The following FKBP5 variants were observed in gnomAD, a reference collection of about 807,000 sequenced individuals.
The protein encoded by FKBP5 is FKBP prolyl isomerase 5.
FKBP5 carries 23 observed loss-of-function variants against 50.5 expected under a neutral mutation model. The observed-to-expected ratio is 0.46, with a 90% CI of 0.33 to 0.65. FKBP5 has a LOEUF of 0.65. Ranked by LOEUF, FKBP5 falls within the 30% of genes least tolerant of loss-of-function variation. FKBP5 has a pLI of 0.02. For missense variants in FKBP5, 411 were observed against 553.1 expected (o/e 0.74, Z 2.58); for synonymous variants, 176 against 190.6 (o/e 0.92, Z 0.63).
upstream of FKBP5, among the ~76,000 whole-genome samples, chr6:35,691,204 G>A (rs796235368): frequency 1.3e-5 from 2 of 152,166 alleles, no homozygotes; most frequent in African/African-American, 2.4e-5. Flanking sequence ...AATGGAAGGC[G>A]CCAAGGAAAG....
At chr6:35,669,236 C>T (rs1765317032) in intron 1 of FKBP5, among the ~76,000 whole-genome samples, 1 of 152,150 alleles carries the variant, frequency 6.6e-6, no homozygotes, top group African/African-American at 2.4e-5. Context: ...AAAACTAAAA[C>T]TCTGGAATTC....
chr6:35,637,508 G>A (rs972002353), intron 2 of FKBP5, among the ~76,000 whole-genome samples: 60 of 146,036 alleles, frequency 4.1e-4, no homozygotes, highest in African/African-American at 1.5e-3. Flanking sequence ...CTGTCGCCCA[G>A]GCTGGAGTGC....
At chr6:35,636,093 TG>T (rs1301155465) in intron 3 of FKBP5, among the ~76,000 whole-genome samples, 5 of 152,216 alleles carry the variant, frequency 3.3e-5, no homozygotes, top group African/African-American at 1.2e-4. Context: ...CATCTTGCAT[TG>T]GTCACTGAGA....
chr6:35,589,253 C>T (rs753574394), intron 7 of FKBP5, among the ~76,000 whole-genome samples: 7 of 150,916 alleles, frequency 4.6e-5, no homozygotes, highest in Admixed American at 4.0e-4. Flanking sequence ...CTCAGCTTCC[C>T]GAATAGCTGA....
At chr6:35,612,022 C>T (rs1763508211) in intron 5 of FKBP5, among the ~76,000 whole-genome samples, 1 of 152,016 alleles carries the variant, frequency 6.6e-6, no homozygotes, top group South Asian at 2.1e-4. Flanking sequence ...TTATTAGAGA[C>T]AATTTTAGGT....
intron 5 of FKBP5, among the ~76,000 whole-genome samples, chr6:35,600,586 A>T (rs1450961555): frequency 6.6e-6 from 1 of 151,758 alleles, no homozygotes; most frequent in Non-Finnish European, 1.5e-5. Context: ...TTTCTCATGT[A>T]TTGTGGAATG....
rs527706948 is a variant in FKBP5 at position 35,618,837 on chromosome 6, G to A, written c.508+259C>T. 2.0e-5 allele frequency among the ~76,000 whole-genome samples: 3 copies of A among 152,148 alleles called. No individual in the cohort carries two copies. In the East Asian group the frequency reaches 5.8e-4, roughly 29 times the overall value. On this transcript the variant is annotated intron_variant, in intron 5 of 10. Coordinates refer to ENST00000357266, the MANE Select transcript of FKBP5 (RefSeq NM_004117.4). The stretch of plus-strand genomic sequence containing the variant: ...AGCCTCCCGAGTAGCTGGGAATACA[G>A]GCGTGCACCACCACACCTGGCTAGT...
At chr6:35,697,208 A>G (rs1300412371) in intron 2 of FKBP5, among the ~76,000 whole-genome samples, 1 of 152,214 alleles carries the variant, frequency 6.6e-6, no homozygotes, top group Non-Finnish European at 1.5e-5. Context: ...ATGAATAGAT[A>G]AACAAAATGT....
intron 1 of FKBP5, among the ~76,000 whole-genome samples, chr6:35,676,450 A>AAG (rs1324165884): frequency 3.3e-5 from 5 of 152,228 alleles, no homozygotes; most frequent in Non-Finnish European, 7.3e-5. Flanking sequence ...TCATTTTATA[A>AAG]ATAAAGGCTC....
At chr6:35,666,757 C>G (rs1324156201) in intron 1 of FKBP5, among the ~76,000 whole-genome samples, 1 of 152,030 alleles carries the variant, frequency 6.6e-6, no homozygotes, top group Non-Finnish European at 1.5e-5. Flanking sequence ...GGCATGGTGG[C>G]AGGCGCCTAT....
intron 1 of FKBP5, among the ~76,000 whole-genome samples, chr6:35,723,094 G>A (rs1318153679): frequency 5.9e-5 from 9 of 152,206 alleles, no homozygotes; most frequent in Admixed American, 2.6e-4. Context: ...TTAGCTGGGC[G>A]TGGTGGCGGG....
At position 35,575,901 on chromosome 6, in the gene FKBP5, C is replaced by A. The variant is rs199893517; in HGVS notation, c.1308G>T (p.Gly436=). Residue 436 remains glycine, a synonymous_variant, in exon 11 of 11, where the codon GGG becomes GGT. Transcript: ENST00000357266. Reference sequence around the variant, plus strand: ...TGTCTGTTCCTTTTTCATTAGTGACCCCTTCTGAAGTCTTCTTGCCCATTG... The same window carrying A: ...TGTCTGTTCCTTTTTCATTAGTGACACCTTCTGAAGTCTTCTTGCCCATTG... ...NKAMGKKTSE[G]VTNEKGTDSQ... The A allele has an allele frequency of 8.7e-6, 14 of 1,613,994 alleles. No homozygotes were observed. The East Asian group carries it at 3.1e-4, about 36-fold the overall frequency.
chr6:35,691,471 G>A (rs1222618347), upstream of FKBP5, among the ~76,000 whole-genome samples: 2 of 152,160 alleles, frequency 1.3e-5, no homozygotes, highest in African/African-American at 4.8e-5. Context: ...ACATGTCTGG[G>A]ACCAGGCTCT....
At chr6:35,598,648 G>A (rs1263273210) in intron 5 of FKBP5, among the ~76,000 whole-genome samples, 2 of 152,144 alleles carry the variant, frequency 1.3e-5, no homozygotes, top group Admixed American at 6.5e-5. Context: ...CAGCATAACA[G>A]TCACCAAGCA....
At chr6:35,709,869 C>T (rs1766384192) in intron 2 of FKBP5, among the ~76,000 whole-genome samples, 1 of 101,096 alleles carries the variant, frequency 9.9e-6, no homozygotes, top group Non-Finnish European at 2.0e-5. Context: ...TAAAGCACTG[C>T]TTTTAGGTAA....
chr6:35,713,758 C>T (rs1404610194), intron 2 of FKBP5, among the ~76,000 whole-genome samples: 2 of 152,194 alleles, frequency 1.3e-5, no homozygotes, highest in African/African-American at 4.8e-5. Context: ...GTGCAGCCAC[C>T]CAGAAGGGTT....
chr6:35,582,863 C>T, intron 8 of FKBP5: 5 of 971,754 alleles, frequency 5.1e-6, no homozygotes, highest in Non-Finnish European at 6.1e-6. Flanking sequence ...GGTTTAGCAC[C>T]AAGAGGTCTT....
intron 1 of FKBP5, among the ~76,000 whole-genome samples, chr6:35,650,376 TG>T (rs568230143): frequency 8.1e-4 from 122 of 151,538 alleles, no homozygotes; most frequent in African/African-American, 2.9e-3. Context: ...TAGTGCCCAG[TG>T]ATGATTTGGT....
intron 1 of FKBP5, among the ~76,000 whole-genome samples, chr6:35,683,875 T>C (rs1765750611): frequency 1.3e-5 from 2 of 151,564 alleles, no homozygotes; most frequent in African/African-American, 4.8e-5. Flanking sequence ...CTGGCCAACA[T>C]GGCAAAACCT....
Sources: gnomAD v4.1 joint callset for allele counts (sites outside exome capture counted in the v4.1 genomes callset) on GRCh38, gnomAD v4.1.1 for gene constraint, MANE v1.5 for transcripts, NCBI Gene and HGNC (gene_info 2026-07-23, HGNC 2026-07-21) for gene names.